The following FKBP15 variants were observed in gnomAD, a reference collection of about 807,000 sequenced individuals.
FKBP15 encodes the protein FK506-binding protein 15.
In FKBP15, 106 loss-of-function variants were observed where a neutral mutation model predicts 158.1. The observed-to-expected ratio is 0.67, with a 90% CI of 0.57 to 0.79. The LOEUF is 0.79. Ranked by LOEUF, FKBP15 falls within the 30% of genes least tolerant of loss-of-function variation. The pLI is 0.00. For synonymous variants in FKBP15, 547 were observed against 548.6 expected (o/e 1.00, Z 0.04); for missense variants, 1,287 against 1,479.1 (o/e 0.87, Z 2.13).
chr9:113,193,325 G>C (rs933826645), intron 11 of FKBP15, among the ~76,000 whole-genome samples, 167 bp downstream of exon 11: 1 of 151,992 alleles, frequency 6.6e-6, no homozygotes, highest in South Asian at 2.1e-4. Context: ...CACTAGGAGT[G>C]AGGGAGAAAA....
intron 21 of FKBP15, among the ~76,000 whole-genome samples, chr9:113,175,322 T>C (rs1250463251): frequency 6.6e-6 from 1 of 152,104 alleles, no homozygotes; most frequent in Admixed American, 6.6e-5. Flanking sequence ...GTAGTATCTA[T>C]AGTAATGACA....
At chr9:113,182,593 T>C (rs1460360692) in intron 19 of FKBP15, among the ~76,000 whole-genome samples, 173 bp downstream of exon 19, 2 of 152,190 alleles carry the variant, frequency 1.3e-5, no homozygotes, top group Non-Finnish European at 2.9e-5. Context: ...CGAAGCATAT[T>C]ATAAAACAGA....
At chr9:113,169,143 GA>G in intron 26 of FKBP15, 80 bp downstream of exon 26, 1 of 1,490,032 alleles carries the variant, frequency 6.7e-7, no homozygotes, top group Non-Finnish European at 8.9e-7. Context: ...TCTGAGGGAT[GA>G]GTTGCCAGCC....
Position 113,182,815 on chromosome 9 carries a change from G to A in FKBP15, c.1865C>T (p.Thr622Ile), listed in dbSNP as rs773717864. 1 of 1,613,800 alleles carries A rather than the reference G, an allele frequency of 6.2e-7. No homozygotes were observed. Among genetic ancestry groups the A allele is most frequent in the Non-Finnish European group, 8.5e-7 (1 of 1,179,760 alleles). Residue 622 changes from threonine (T) to isoleucine (I), a missense_variant, in exon 19 of 28, where the codon ACA becomes ATA. By Grantham distance (89) the Thr-to-Ile change is moderately conservative. Transcript: ENST00000238256. ...TCTTGCCTGTGTGTTTTCTGTGGCT[G>A]TCTGAAGTGAGTTGTTCCTCTTCTC... ...MMEKRNNSLQTATENTQARVL... is the reference protein window; with the variant it reads ...MMEKRNNSLQIATENTQARVL...
At chr9:113,195,827 T>G (rs1390316897) in intron 9 of FKBP15, among the ~76,000 whole-genome samples, 1 of 152,182 alleles carries the variant, frequency 6.6e-6, no homozygotes, top group Non-Finnish European at 1.5e-5. Flanking sequence ...ATTTTTTATA[T>G]GGTACAAAAG....
intron 22 of FKBP15, 22 bp downstream of exon 22, chr9:113,174,406 A>T (rs753447460): frequency 6.2e-7 from 1 of 1,610,348 alleles, no homozygotes; most frequent in Non-Finnish European, 8.5e-7. Context: ...TCTATTTTCA[A>T]AGTGCTTCAG....
At chr9:113,212,179 A>C (rs1400271176) in intron 1 of FKBP15, among the ~76,000 whole-genome samples, 1 of 151,838 alleles carries the variant, frequency 6.6e-6, no homozygotes, top group Non-Finnish European at 1.5e-5. Context: ...AATCACTAAA[A>C]ATTTTTTTGT....
intron 4 of FKBP15, among the ~76,000 whole-genome samples, chr9:113,204,544 C>A (rs2118934092): frequency 6.6e-6 from 1 of 152,304 alleles, no homozygotes; most frequent in Non-Finnish European, 1.5e-5. Flanking sequence ...CTGTAATAGG[C>A]AGGGTTTTGT....
chr9:113,203,471 C>T (rs7865322), intron 4 of FKBP15, among the ~76,000 whole-genome samples: 2,654 of 152,140 alleles, frequency 0.017, 93 homozygotes, highest in African/African-American at 0.061. Flanking sequence ...CCTTCCTAGT[C>T]AATAATCCCC....
chr9:113,172,769 T>C (rs1447410957), intron 23 of FKBP15, among the ~76,000 whole-genome samples: 1 of 152,228 alleles, frequency 6.6e-6, no homozygotes, highest in Non-Finnish European at 1.5e-5. Context: ...TTGTCATTCA[T>C]CTGCAAGATT....
chr9:113,177,499 TG>T (rs1564156289), intron 20 of FKBP15, among the ~76,000 whole-genome samples: 1 of 152,326 alleles, frequency 6.6e-6, no homozygotes, highest in South Asian at 2.1e-4. Context: ...AGGGAAGAGA[TG>T]GGCTGGGAGC....
chr9:113,205,717 G>A (rs933266693), intron 4 of FKBP15, among the ~76,000 whole-genome samples: 5 of 152,010 alleles, frequency 3.3e-5, no homozygotes, highest in Non-Finnish European at 4.4e-5. Context: ...CAGTCTTCAC[G>A]ATACATACTT....
chr9:113,221,117 A>T (rs1831245156), intron 1 of FKBP15, 74 bp downstream of exon 1: 2 of 1,471,364 alleles, frequency 1.4e-6, no homozygotes, highest in African/African-American at 2.8e-5. Flanking sequence ...GCCTGAGAAG[A>T]GATCGACCCC....
chr9:113,216,797 A>C (rs1439275256), intron 1 of FKBP15, among the ~76,000 whole-genome samples: 1 of 152,226 alleles, frequency 6.6e-6, no homozygotes, highest in Non-Finnish European at 1.5e-5. Context: ...AGAGTGTCAT[A>C]AGTGAACTGT....
At chr9:113,185,995 T>C (rs767801026) in intron 15 of FKBP15, among the ~76,000 whole-genome samples, 8 of 152,050 alleles carry the variant, frequency 5.3e-5, no homozygotes, top group Middle Eastern at 3.2e-3. Context: ...CAAGGAAACA[T>C]TGGGGGATGA....
At chr9:113,206,891 A>T in intron 3 of FKBP15, 1 of 426,516 alleles carries the variant, frequency 2.3e-6, no homozygotes, top group Non-Finnish European at 4.2e-6. Context: ...CCAGCAGTTT[A>T]TAATTTAAAG....
At position 113,161,348 on chromosome 9, in the gene FKBP15, A is replaced by G. The variant is rs1303411719; in HGVS notation, c.*4730T>C. ...TCTCAAAGCCACACTCCAGCTAAGA[A>G]AAGTCTGGTGAAGACAGTGAAGAAG... On this transcript the variant is annotated 3_prime_UTR_variant, in exon 28 of 28. Transcript: ENST00000238256. 5 of 675,364 alleles carry G rather than the reference A, an allele frequency of 7.4e-6. No individual in the cohort carries two copies. The East Asian group carries it at 1.3e-4, about 18-fold the overall frequency. 41.8% of individuals were successfully genotyped at this position (675,364 alleles called of 1,614,324 possible).
At chr9:113,208,956 G>A (rs1272262566) in intron 2 of FKBP15, among the ~76,000 whole-genome samples, 3 of 144,110 alleles carry the variant, frequency 2.1e-5, no homozygotes, top group Non-Finnish European at 4.5e-5. Flanking sequence ...GCAATGAGCT[G>A]AGATCATGCC....
In FKBP15 at chr9:113,168,483, C is replaced by G. The variant is rs891160201; in HGVS notation, c.3559G>C (p.Glu1187Gln). Residue 1187 changes from glutamate (E) to glutamine (Q), a missense_variant, in exon 27 of 28, where the codon GAG becomes CAG. By Grantham distance (29) the Glu-to-Gln change is conservative. Transcript: ENST00000238256. ...ACCACCTCGTCTTCATCCTCCTCCT[C>G]AGGCTGTGCTTTGGGCCTCAGAGCT... is the stretch of plus-strand genomic sequence containing the variant. ...LKALRPKAQP[E>Q]EEDEDEVSMK... 1 of 1,614,000 alleles carries G rather than the reference C, an allele frequency of 6.2e-7. No individual in the cohort carries two copies. The highest frequency in any genetic ancestry group is 1.7e-5 in the Admixed American group (1 of 60,032).
Sources: allele counts gnomAD v4.1 joint callset (sites outside exome capture counted in the v4.1 genomes callset), GRCh38; gene constraint gnomAD v4.1.1; transcripts MANE v1.5; gene names NCBI Gene and HGNC (gene_info 2026-07-23, HGNC 2026-07-21).